The following ZNG1A variants were observed in gnomAD, a reference collection of about 807,000 sequenced individuals.
ZNG1A encodes the protein Zn regulated GTPase metalloprotein activator 1A, also known as zinc-regulated GTPase metalloprotein activator 1A.
chr9:129,222 G>A, the ZNG1A span, among the ~76,000 whole-genome samples: 1 of 152,128 alleles, frequency 6.6e-6, no homozygotes, highest in Non-Finnish European at 1.5e-5. Context: ...AACAGGTGAT[G>A]TGTTGGGCTC....
chr9:142,131 A>G, the ZNG1A span, among the ~76,000 whole-genome samples: 1 of 148,662 alleles, frequency 6.7e-6, no homozygotes, highest in Admixed American at 6.7e-5. Context: ...TAGACAGATC[A>G]ATGAGACAGA....
At chr9:172,163 G>C in the ZNG1A span, 2 of 1,610,854 alleles carry the variant, frequency 1.2e-6, no homozygotes, top group East Asian at 4.5e-5. Flanking sequence ...TAGCTCTAAG[G>C]CCACTGTCCC....
At chr9:177,939 A>G in the ZNG1A span, 1 of 1,369,788 alleles carries the variant, frequency 7.3e-7, no homozygotes, top group Non-Finnish European at 1.0e-6. Flanking sequence ...TCTTATTTTT[A>G]CATAAAAGGT....
the ZNG1A span, chr9:147,117 G>C: frequency 6.7e-6 from 1 of 148,408 alleles, no homozygotes; most frequent in Non-Finnish European, 1.5e-5. Flanking sequence ...AGTGGAGGTT[G>C]CAGTGAGCCA....
At chr9:126,845 C>T in the ZNG1A span, among the ~76,000 whole-genome samples, 2 of 152,190 alleles carry the variant, frequency 1.3e-5, no homozygotes, top group Admixed American at 1.3e-4. Flanking sequence ...TTCCTCTTAG[C>T]ACCGCCTCTG....
chr9:124,801 C>T, the ZNG1A span, among the ~76,000 whole-genome samples: 14 of 141,224 alleles, frequency 9.9e-5, no homozygotes, highest in East Asian at 2.0e-4. Flanking sequence ...GAGAACATAG[C>T]GATGTTTGGT....
At chr9:178,095 G>A in the ZNG1A span, among the ~76,000 whole-genome samples, 4,401 of 150,432 alleles carry the variant, frequency 0.029, 192 homozygotes, top group African/African-American at 0.1. Flanking sequence ...TTAACTGTAA[G>A]GTTTAAAAAT....
the ZNG1A span, among the ~76,000 whole-genome samples, chr9:138,341 G>T: frequency 6.9e-6 from 1 of 145,222 alleles, no homozygotes; most frequent in Non-Finnish European, 1.5e-5. Flanking sequence ...TGCCCTGCCT[G>T]TCCCACACTT....
chr9:140,512 T>C, the ZNG1A span, among the ~76,000 whole-genome samples: 3 of 151,722 alleles, frequency 2.0e-5, no homozygotes, highest in African/African-American at 4.9e-5. Context: ...AACCCATCTG[T>C]ACATCACCAT....
the ZNG1A span, among the ~76,000 whole-genome samples, chr9:130,715 T>C: frequency 6.7e-6 from 1 of 148,630 alleles, no homozygotes; most frequent in Non-Finnish European, 1.5e-5. Flanking sequence ...ATTACAAGCA[T>C]AAGCCACCAC....
At chr9:136,096 G>T in the ZNG1A span, among the ~76,000 whole-genome samples, 1 of 77,136 alleles carries the variant, frequency 1.3e-5, no homozygotes, top group African/African-American at 3.7e-5. Context: ...AACTTCATAC[G>T]CAGCAAAAAA....
At chr9:145,626 C>A in the ZNG1A span, among the ~76,000 whole-genome samples, 3 of 150,350 alleles carry the variant, frequency 2.0e-5, no homozygotes, top group South Asian at 4.2e-4. Flanking sequence ...TGCAGCGCAC[C>A]AGCATGGCAC....
the ZNG1A span, among the ~76,000 whole-genome samples, chr9:164,931 G>A: frequency 2.0e-5 from 3 of 151,940 alleles, no homozygotes. Context: ...GATTACTCAT[G>A]CAAGATATAG....
the ZNG1A span, among the ~76,000 whole-genome samples, chr9:140,322 G>A: frequency 5.1e-3 from 771 of 151,730 alleles, 10 homozygotes; most frequent in African/African-American, 0.018. Flanking sequence ...ATCTGAGAAC[G>A]GGCAGACTGC....
At chr9:152,612 A>T in the ZNG1A span, among the ~76,000 whole-genome samples, 1 of 151,818 alleles carries the variant, frequency 6.6e-6, no homozygotes, top group African/African-American at 2.4e-5. Flanking sequence ...CAGTTACCTA[A>T]TTAGGCTCTC....
the ZNG1A span, among the ~76,000 whole-genome samples, chr9:170,410 C>G: frequency 2.8e-5 from 4 of 145,336 alleles, no homozygotes; most frequent in Non-Finnish European, 5.9e-5. Flanking sequence ...TGTGTGTGTA[C>G]AGTCTTGCTC....
At chr9:154,718 G>A in the ZNG1A span, 164 of 1,597,108 alleles carry the variant, frequency 1.0e-4, no homozygotes, top group African/African-American at 4.3e-4. Context: ...CCTAATTGTC[G>A]TTCTTAATTT....
At chr9:177,238 A>C in the ZNG1A span, among the ~76,000 whole-genome samples, 1 of 152,190 alleles carries the variant, frequency 6.6e-6, no homozygotes, top group African/African-American at 2.4e-5. Context: ...ATGTTAAGGA[A>C]TTTGGATTTT....
At chr9:145,864 C>G in the ZNG1A span, among the ~76,000 whole-genome samples, 1 of 151,626 alleles carries the variant, frequency 6.6e-6, no homozygotes, top group African/African-American at 2.4e-5. Context: ...GAAGTGTTAA[C>G]GATTAGCCTC....
Sources: allele counts gnomAD v4.1 joint callset (sites outside exome capture counted in the v4.1 genomes callset), GRCh38; gene constraint gnomAD v4.1.1; transcripts MANE v1.5; gene names NCBI Gene and HGNC (gene_info 2026-07-23, HGNC 2026-07-21).